Variants in MTA3 observed in about 807,000 individuals in gnomAD.
The protein encoded by MTA3 is metastasis-associated protein MTA3.
In MTA3, 34 loss-of-function variants were observed where a neutral mutation model predicts 83.5. That is an observed-to-expected ratio of 0.41 (90% CI 0.31 to 0.54). The LOEUF (loss-of-function observed/expected upper bound fraction) is 0.54. Ranked by LOEUF, MTA3 falls within the 20% of genes least tolerant of loss-of-function variation. The pLI, the probability that MTA3 is intolerant of heterozygous loss-of-function variation, is 0.33. For missense variants in MTA3, 761 were observed against 726.4 expected, an observed-to-expected ratio of 1.05 and a Z score of -0.55; for synonymous variants, 303 against 252.7, an observed-to-expected ratio of 1.20 and a Z score of -1.89.
At chr2:42,566,255 A>G (rs577576960), upstream of MTA3, among the ~76,000 whole-genome samples, 27 of 152,226 alleles carry the variant, frequency 1.8e-4, no homozygotes, top group African/African-American at 6.3e-4. Context: ...TCTTTGGTTG[A>G]AAGGTTTCTT....
chr2:42,544,769 T>C (rs112962739), intron 2 of MTA3, among the ~76,000 whole-genome samples: 92 of 152,298 alleles, frequency 6.0e-4, no homozygotes, highest in African/African-American at 2.1e-3. Flanking sequence ...TCAGAAATTC[T>C]ATCTATAGGA....
rs776718162 is a variant in MTA3 at position 42,756,013 on chromosome 2, G to A, written c.*2614G>A. The A allele has an allele frequency of 1.0e-6, 1 of 985,300 alleles. No individual in the cohort carries two copies. The highest frequency in any genetic ancestry group is 4.7e-5 in the South Asian group (1 of 21,290). 61.0% of individuals were successfully genotyped at this position (985,300 alleles called of 1,614,324 possible). ...GCACAGCCCAGTTTCCATCTCTCAG[G>A]GCCCACCCAGGAAAATGGATTTCAA... On this transcript the variant is annotated 3_prime_UTR_variant, in exon 17 of 17. Coordinates refer to ENST00000405094, the MANE Select transcript of MTA3 (RefSeq NM_001330442.2).
rs1675877339 is a variant in MTA3, at chr2:42,529,885, CTTCT to C, written c.-141+34632_-141+34635del. Among the ~76,000 whole-genome samples, 5 of 152,302 alleles carry C rather than the reference CTTCT, an allele frequency of 3.3e-5. No homozygotes were observed. In the South Asian group the frequency reaches 1.0e-3, roughly 32 times the overall value. ...GATGAGTCGGTCAGAGAGGCAAAAA[CTTCT>C]CATTAAGATTACAATCGGACAGGCG... On this transcript the variant is annotated intron_variant, in intron 2 of 17. Coordinates refer to the MTA3 transcript ENST00000405592.
chr2:42,578,161 A>G (rs546987944), intron 2 of MTA3, among the ~76,000 whole-genome samples: 1 of 152,348 alleles, frequency 6.6e-6, no homozygotes, highest in African/African-American at 2.4e-5. Flanking sequence ...GTAAGACCAG[A>G]GAAATTTCTG....
intron 3 of MTA3, among the ~76,000 whole-genome samples, chr2:42,600,836 T>G (rs946909112): frequency 2.0e-5 from 3 of 152,106 alleles, no homozygotes; most frequent in Admixed American, 6.6e-5. Context: ...CCACTGTGAT[T>G]AGCTCAATGG....
chr2:42,711,777 A>AGTGTGTGT (rs1553393276), intron 14 of MTA3, among the ~76,000 whole-genome samples: 1 of 148,536 alleles, frequency 6.7e-6, no homozygotes, highest in South Asian at 2.1e-4. Flanking sequence ...TATAGGAGAG[A>AGTGTGTGT]GAGAGAGTGT....
At chr2:42,606,708 C>T (rs1407324747) in intron 3 of MTA3, among the ~76,000 whole-genome samples, 1 of 151,696 alleles carries the variant, frequency 6.6e-6, no homozygotes, top group Non-Finnish European at 1.5e-5. Flanking sequence ...AATCTCGGCA[C>T]TTTGGGAGGC....
At chr2:42,500,536 TAAAC>T (rs1208800658) in intron 2 of MTA3, among the ~76,000 whole-genome samples, 3 of 151,836 alleles carry the variant, frequency 2.0e-5, no homozygotes, top group East Asian at 1.9e-4. Context: ...CTCTCAAAAA[TAAAC>T]AGAGAAACAG....
intron 9 of MTA3, among the ~76,000 whole-genome samples, chr2:42,689,513 C>T (rs531361010): frequency 1.2e-4 from 19 of 152,226 alleles, no homozygotes; most frequent in African/African-American, 3.9e-4. Context: ...GTGAAGTCAT[C>T]TCTTTTTGGA....
chr2:42,586,597 C>G (rs980564474), intron 3 of MTA3, among the ~76,000 whole-genome samples: 2 of 58,096 alleles, frequency 3.4e-5, no homozygotes, highest in African/African-American at 1.5e-4. Context: ...CACACACACA[C>G]ACACACACAC....
chr2:42,547,072 G>A (rs1274915596), intron 2 of MTA3, among the ~76,000 whole-genome samples: 2 of 152,148 alleles, frequency 1.3e-5, no homozygotes, highest in African/African-American at 2.4e-5. Context: ...GTCTATGGAG[G>A]AACTTTATAA....
chr2:42,729,231 G>A (rs1421045113), intron 16 of MTA3, among the ~76,000 whole-genome samples: 1 of 150,718 alleles, frequency 6.6e-6, no homozygotes, highest in Admixed American at 6.6e-5. Flanking sequence ...CCAGTAGCTG[G>A]GACTACAGGC....
At chr2:42,646,544 C>T (rs143963983) in intron 6 of MTA3, among the ~76,000 whole-genome samples, 3 of 152,244 alleles carry the variant, frequency 2.0e-5, no homozygotes, top group South Asian at 2.1e-4. Context: ...TTCCAACACT[C>T]GTGGATAACT....
chr2:42,718,928 T>C, intron 14 of MTA3, 60 bp from the exon 15 acceptor site: 1 of 1,226,742 alleles, frequency 8.2e-7, no homozygotes, highest in Non-Finnish European at 1.2e-6. Context: ...CTGTGGTGCA[T>C]GTAGTCTGGC....
At position 42,756,042 on chromosome 2, in the gene MTA3, G is replaced by A; in HGVS notation, c.*2643G>A. On this transcript the variant is annotated 3_prime_UTR_variant, in exon 17 of 17. Transcript: ENST00000405094. ...CACCCAGGAAAATGGATTTCAAGTGGGGGTTTTCATCCAGAGATTTGTTTA... is the reference window on the plus strand; with the variant it reads ...CACCCAGGAAAATGGATTTCAAGTGAGGGTTTTCATCCAGAGATTTGTTTA... The A allele has an allele frequency of 1.0e-6, 1 of 981,178 alleles. No homozygotes were observed. Among genetic ancestry groups the A allele is most frequent in the South Asian group, 4.7e-5 (1 of 21,190 alleles). The allele number at this position is 981,178 out of a possible 1,614,324, so 60.8% of individuals were successfully genotyped here.
chr2:42,555,378 C>T (rs1486385006), intron 2 of MTA3, among the ~76,000 whole-genome samples: 7 of 141,630 alleles, frequency 4.9e-5, no homozygotes, highest in African/African-American at 1.9e-4. Context: ...TTGCTTGAAC[C>T]CAGGAGGCGG....
chr2:42,670,508 G>C (rs1026907887), intron 8 of MTA3, among the ~76,000 whole-genome samples: 10 of 152,120 alleles, frequency 6.6e-5, no homozygotes, highest in African/African-American at 2.4e-4. Flanking sequence ...TGGCTTTATA[G>C]ACAGGAAAGG....
intron 8 of MTA3, among the ~76,000 whole-genome samples, chr2:42,679,779 A>G (rs922090734): frequency 1.3e-5 from 2 of 151,964 alleles, no homozygotes; most frequent in Non-Finnish European, 2.9e-5. Flanking sequence ...AACCAGCACC[A>G]TAGTTCCTCA....
intron 8 of MTA3, among the ~76,000 whole-genome samples, chr2:42,673,979 A>T (rs1299311230): frequency 6.6e-6 from 1 of 152,190 alleles, no homozygotes; most frequent in Non-Finnish European, 1.5e-5. Context: ...TTATAACAAC[A>T]AGCATTGATT....
Sources: allele counts gnomAD v4.1 joint callset (sites outside exome capture counted in the v4.1 genomes callset), GRCh38; gene constraint gnomAD v4.1.1; transcripts MANE v1.5; gene names NCBI Gene and HGNC (gene_info 2026-07-23, HGNC 2026-07-21).